FAM174A: variants seen among roughly 807,000 people sequenced by gnomAD.
FAM174A encodes membrane protein FAM174A.
A neutral mutation model predicts 14.3 loss-of-function variants in FAM174A; 14 were observed. The ratio of observed to expected loss-of-function variants is 0.98; its 90% CI spans 0.65 to 1.53. FAM174A has a LOEUF of 1.53. Among genes scored for constraint, FAM174A ranks in the 40% most tolerant of loss-of-function variants. The pLI is 0.00. For synonymous variants in FAM174A, 108 were observed against 111.4 expected (o/e 0.97, Z 0.19); for missense variants, 241 against 249.6 (o/e 0.97, Z 0.23).
At chr5:100,560,005 T>G (rs1267085305) in intron 1 of FAM174A, among the ~76,000 whole-genome samples, 2 of 152,100 alleles carry the variant, frequency 1.3e-5, no homozygotes, top group Non-Finnish European at 2.9e-5. Flanking sequence ...CTGCGTTCCT[T>G]TGGAGGAGGA....
Position 100,535,605 on chromosome 5 carries a change from A to G in FAM174A, c.75A>G (p.Glu25=). ...TCCTCCTCCTGCTGTTGCTGCCTGAACTAAGCGGGCCCCTGGCAGTCCTGC... is the reference window on the plus strand; with the variant it reads ...TCCTCCTCCTGCTGTTGCTGCCTGAGCTAAGCGGGCCCCTGGCAGTCCTGC... ...ASVLLLLLLP[E]LSGPLAVLLQ... is the part of the protein sequence containing the mutation. Residue 25 remains glutamate (E), a synonymous_variant, in exon 1 of 3, where the codon GAA becomes GAG. Transcript: ENST00000312637. 2 of 1,613,206 alleles carry G rather than the reference A, an allele frequency of 1.2e-6. No individual in the cohort carries two copies.
chr5:100,566,162 A>ATGTACAT (rs1396884268), intron 2 of FAM174A, among the ~76,000 whole-genome samples: 2 of 136,984 alleles, frequency 1.5e-5, no homozygotes, highest in Non-Finnish European at 3.2e-5. Flanking sequence ...ATATATATAT[A>ATGTACAT]TATATATATG....
intron 2 of FAM174A, among the ~76,000 whole-genome samples, chr5:100,567,649 G>T (rs747209294): frequency 6.6e-6 from 1 of 151,672 alleles, no homozygotes; most frequent in Non-Finnish European, 1.5e-5. Flanking sequence ...TTATTCTCTT[G>T]ATCTTTTTTT....
chr5:100,549,887 A>T (rs899304095), intron 1 of FAM174A, among the ~76,000 whole-genome samples: 4 of 152,194 alleles, frequency 2.6e-5, no homozygotes, highest in Non-Finnish European at 5.9e-5. Flanking sequence ...GTCACTAATT[A>T]TAATGATCCT....
intron 2 of FAM174A, among the ~76,000 whole-genome samples, chr5:100,572,998 G>T (rs1261914267): frequency 1.3e-5 from 2 of 152,146 alleles, no homozygotes; most frequent in Non-Finnish European, 2.9e-5. Flanking sequence ...TTCTCTGATG[G>T]CCAGTGATGA....
chr5:100,568,122 T>A (rs1561320869), intron 2 of FAM174A, among the ~76,000 whole-genome samples: 1 of 151,978 alleles, frequency 6.6e-6, no homozygotes, highest in East Asian at 1.9e-4. Flanking sequence ...CCCTTCTTCC[T>A]TGTCTATCTA....
chr5:100,566,611 G>T (rs978664279), intron 2 of FAM174A, among the ~76,000 whole-genome samples: 1 of 151,796 alleles, frequency 6.6e-6, no homozygotes, highest in African/African-American at 2.4e-5. Flanking sequence ...ACAAAAATAT[G>T]TTAATCTCAA....
At chr5:100,538,180 T>G (rs1745976311) in intron 1 of FAM174A, among the ~76,000 whole-genome samples, 2 of 152,144 alleles carry the variant, frequency 1.3e-5, no homozygotes, top group South Asian at 4.1e-4. Context: ...AACTCATACT[T>G]TTTGCTTCCA....
At chr5:100,575,669 C>A (rs546474678) in intron 2 of FAM174A, among the ~76,000 whole-genome samples, 2 of 152,160 alleles carry the variant, frequency 1.3e-5, no homozygotes, top group East Asian at 1.9e-4. Flanking sequence ...GCAACAAAAG[C>A]CAAAATTGAC....
At chr5:100,571,450 A>T (rs1580375414) in intron 2 of FAM174A, among the ~76,000 whole-genome samples, 3 of 151,414 alleles carry the variant, frequency 2.0e-5, no homozygotes, top group Admixed American at 1.3e-4. Context: ...AAATTTGTCC[A>T]TAATACACTG....
chr5:100,541,750 G>A (rs1746057473), intron 1 of FAM174A, among the ~76,000 whole-genome samples: 1 of 151,974 alleles, frequency 6.6e-6, no homozygotes, highest in Admixed American at 6.6e-5. Flanking sequence ...TATGCTTTTT[G>A]TAGTCTGGCT....
At chr5:100,538,254 T>G (rs1217343518) in intron 1 of FAM174A, among the ~76,000 whole-genome samples, 1 of 152,126 alleles carries the variant, frequency 6.6e-6, no homozygotes, top group Non-Finnish European at 1.5e-5. Context: ...AAACTATGTG[T>G]GACAGTGCAC....
At chr5:100,541,003 T>G (rs1746038887) in intron 1 of FAM174A, among the ~76,000 whole-genome samples, 1 of 152,168 alleles carries the variant, frequency 6.6e-6, no homozygotes, top group South Asian at 2.1e-4. Context: ...CAATAGCCAT[T>G]TGCTTGTATG....
intron 1 of FAM174A, among the ~76,000 whole-genome samples, chr5:100,540,741 A>G (rs747484862): frequency 1.6e-4 from 24 of 152,218 alleles, no homozygotes; most frequent in Non-Finnish European, 2.1e-4. Flanking sequence ...TTATCATATC[A>G]TAAGTGAAGT....
intron 1 of FAM174A, among the ~76,000 whole-genome samples, chr5:100,552,506 G>C (rs749629702): frequency 2.6e-5 from 4 of 151,900 alleles, no homozygotes; most frequent in Non-Finnish European, 5.9e-5. Context: ...AATCAAATCA[G>C]GTAGATACAG....
chr5:100,554,002 A>C (rs1746313607), intron 1 of FAM174A, among the ~76,000 whole-genome samples: 1 of 152,158 alleles, frequency 6.6e-6, no homozygotes, highest in South Asian at 2.1e-4. Flanking sequence ...ACAGGTTAAC[A>C]TATTGACTAT....
chr5:100,542,056 T>G (rs943237696), intron 1 of FAM174A, among the ~76,000 whole-genome samples: 7 of 152,160 alleles, frequency 4.6e-5, no homozygotes, highest in African/African-American at 1.7e-4. Context: ...CCAATCTGAT[T>G]CCTAGAATAC....
intron 2 of FAM174A, among the ~76,000 whole-genome samples, chr5:100,567,479 C>G (rs1472099871): frequency 6.6e-6 from 1 of 151,702 alleles, no homozygotes; most frequent in Non-Finnish European, 1.5e-5. Flanking sequence ...CTATATCTAT[C>G]TGATTTTTTT....
rs866506308 is a variant in FAM174A at position 100,559,224 on chromosome 5, G to T, written c.435-2830G>T. ...CTTAGTTTGGCTGGATATGAAATTC[G>T]TGGTTGAAAATTCTTTTCTTTAAGA... On this transcript the variant is annotated intron_variant, in intron 1 of 2. Coordinates refer to ENST00000312637, the MANE Select transcript of FAM174A (RefSeq NM_198507.3). Among the ~76,000 whole-genome samples the T allele has an allele frequency of 1.1e-4, 17 of 152,048 alleles. 1 individual carries two copies. The East Asian group carries it at 1.2e-3, about 10-fold the overall frequency.
Sources: gnomAD v4.1 joint callset for allele counts (sites outside exome capture counted in the v4.1 genomes callset) on GRCh38, gnomAD v4.1.1 for gene constraint, MANE v1.5 for transcripts, NCBI Gene and HGNC (gene_info 2026-07-23, HGNC 2026-07-21) for gene names.